Variants in GFOD1 observed in about 807,000 individuals in gnomAD.
GFOD1 encodes the protein Gfo/Idh/MocA-like oxidoreductase domain containing 1.
A neutral mutation model predicts 25.4 loss-of-function variants in GFOD1; 9 were observed. The observed-to-expected ratio is 0.35, with a 90% confidence interval of 0.21 to 0.62. The LOEUF is 0.62. GFOD1 is among the 20% of genes least tolerant of loss of function. The probability of loss-of-function intolerance (pLI) is 0.72; values close to 1 mark genes in which losing one functional copy is unlikely to be tolerated. For missense variants in GFOD1, 403 were observed against 556.9 expected (o/e 0.72, Z 2.78); for synonymous variants, 253 against 245.6 (o/e 1.03, Z -0.28).
chr6:13,398,641 AC>A (rs1174464187), intron 1 of GFOD1, among the ~76,000 whole-genome samples: 3 of 152,154 alleles, frequency 2.0e-5, no homozygotes, highest in Non-Finnish European at 2.9e-5. Flanking sequence ...GCTTTCCTGG[AC>A]TCAGAAAGGA....
chr6:13,360,763 G>A lies in GFOD1; in HGVS notation c.*3980C>T, dbSNP rs1207579216. The A allele has an allele frequency of 2.2e-6, 1 of 456,782 alleles. No individual in the cohort carries two copies. Among genetic ancestry groups the A allele is most frequent in the Non-Finnish European group, 4.4e-6 (1 of 226,976 alleles). 28.3% of individuals were successfully genotyped at this position (456,782 alleles called of 1,614,324 possible). A position where few individuals can be genotyped will look rare whatever the true frequency, so the allele number is the denominator to read the frequency against. ...GGGTGCTGACAGCAGGCTGAGTGGA[G>A]CCGCAGGTTAGTCCATGCTTGTCAC... is the stretch of plus-strand genomic sequence containing the variant. On this transcript the variant is annotated 3_prime_UTR_variant, in exon 2 of 2. Coordinates refer to ENST00000379287, the MANE Select transcript of GFOD1 (RefSeq NM_018988.4).
At chr6:13,395,432 C>CT (rs931990271) in intron 1 of GFOD1, among the ~76,000 whole-genome samples, 11 of 152,296 alleles carry the variant, frequency 7.2e-5, no homozygotes, top group Admixed American at 2.6e-4. Context: ...ATAAGGGGAT[C>CT]TTGTTTTTCC....
chr6:13,404,996 T>G (rs1785919313), intron 1 of GFOD1, among the ~76,000 whole-genome samples: 2 of 152,214 alleles, frequency 1.3e-5, no homozygotes, highest in African/African-American at 4.8e-5. Flanking sequence ...CATTCTCTGT[T>G]GTCTATCCTC....
At chr6:13,444,816 T>G (rs534987939) in intron 1 of GFOD1, among the ~76,000 whole-genome samples, 79 of 152,366 alleles carry the variant, frequency 5.2e-4, no homozygotes, top group African/African-American at 1.8e-3. Context: ...ACTTGCTTTA[T>G]TGCAGTGGCC....
intron 1 of GFOD1, among the ~76,000 whole-genome samples, chr6:13,413,086 G>GC (rs1420551290): frequency 5.3e-5 from 8 of 152,216 alleles, no homozygotes; most frequent in African/African-American, 1.9e-4. Flanking sequence ...GTCAGCCTTT[G>GC]CCAACATGTT....
At chr6:13,473,133 G>T (rs1245087003) in intron 1 of GFOD1, among the ~76,000 whole-genome samples, 1 of 152,158 alleles carries the variant, frequency 6.6e-6, no homozygotes, top group East Asian at 1.9e-4. Flanking sequence ...CATGTCATAT[G>T]CAAATGTCCT....
In GFOD1 at chr6:13,470,611, C is replaced by G. The variant is rs902381511; in HGVS notation, c.253+16027G>C. 40 of 1,488,738 alleles carry G rather than the reference C, an allele frequency of 2.7e-5. No homozygotes were observed. In the African/African-American group the frequency reaches 5.4e-4, roughly 20 times the overall value. The allele number at this position is 1,488,738 out of a possible 1,614,324, so 92.2% of individuals were successfully genotyped here. On this transcript the variant is annotated intron_variant, in intron 1 of 1. Transcript: ENST00000379287. ...CAGTATTTTTCTGTCTGCTGATTTT[C>G]TTCCTCTGATGTCCTGGTTCTGTTG...
intron 1 of GFOD1, among the ~76,000 whole-genome samples, chr6:13,369,765 A>G (rs1026823445): frequency 6.6e-6 from 1 of 152,214 alleles, no homozygotes; most frequent in East Asian, 1.9e-4. Context: ...ACCATAGAAA[A>G]TGATGCTTAT....
chr6:13,424,847 A>C (rs187113949), intron 1 of GFOD1, among the ~76,000 whole-genome samples: 2 of 152,282 alleles, frequency 1.3e-5, no homozygotes, highest in African/African-American at 4.8e-5. Context: ...AAATCATATA[A>C]ACATTATAAT....
At chr6:13,368,487 A>G (rs1390512970) in intron 1 of GFOD1, among the ~76,000 whole-genome samples, 1 of 152,198 alleles carries the variant, frequency 6.6e-6, no homozygotes, top group East Asian at 1.9e-4. Context: ...ACACCAGCTC[A>G]TGCTACCAGG....
chr6:13,377,018 G>GTT (rs530360997), intron 1 of GFOD1, among the ~76,000 whole-genome samples: 75 of 140,010 alleles, frequency 5.4e-4, no homozygotes, highest in African/African-American at 1.7e-3. Context: ...CAGCAGATAT[G>GTT]TTTTTTTTTT....
intron 1 of GFOD1, among the ~76,000 whole-genome samples, chr6:13,377,195 A>G (rs1369385865): frequency 1.3e-5 from 2 of 152,054 alleles, no homozygotes; most frequent in Non-Finnish European, 1.5e-5. Context: ...CCAGTATACC[A>G]CAGTCCTCAC....
Position 13,365,967 on chromosome 6 carries a change from G to C in GFOD1, c.254-305C>G, listed in dbSNP as rs1447720245. On this transcript the variant is annotated intron_variant, in intron 1 of 1. Transcript: ENST00000379287. The surrounding 1 kb of genome is among the most constrained non-coding windows in gnomAD (Gnocchi z 9.2). ...CACGCCTGTGGTCCCAGCTACTCAGGAGGCCGAAGTGGGAGGATCACTTGA... is the reference window on the plus strand; with the variant it reads ...CACGCCTGTGGTCCCAGCTACTCAGCAGGCCGAAGTGGGAGGATCACTTGA... 6.6e-6 allele frequency among the ~76,000 whole-genome samples: 1 copy of C among 150,454 alleles called. No individual in the cohort carries two copies. The highest frequency in any genetic ancestry group is 2.0e-4 in the East Asian group (1 of 5,098).
chr6:13,426,341 A>G (rs1037075698), intron 1 of GFOD1, among the ~76,000 whole-genome samples: 1 of 152,204 alleles, frequency 6.6e-6, no homozygotes, highest in Non-Finnish European at 1.5e-5. Context: ...ACAGGCGTCA[A>G]TGGGGCTTGG....
Position 13,396,820 on chromosome 6 carries a change from C to T in GFOD1, c.254-31158G>A, listed in dbSNP as rs1030285148. ...TTTCCAGAAGCTTCCAGCAGGAACA[C>T]GGCCCTGCCAGCACACTGAATTTAG... On this transcript the variant is annotated intron_variant, in intron 1 of 1. Coordinates refer to ENST00000379287, the MANE Select transcript of GFOD1 (RefSeq NM_018988.4). Among the ~76,000 whole-genome samples the T allele has an allele frequency of 3.3e-5, 5 of 152,286 alleles. No individual in the cohort carries two copies. The East Asian group carries it at 5.8e-4, about 18-fold the overall frequency.
intron 1 of GFOD1, among the ~76,000 whole-genome samples, chr6:13,367,559 G>A (rs138855856): frequency 1.8e-4 from 28 of 152,254 alleles, no homozygotes; most frequent in African/African-American, 6.3e-4. Flanking sequence ...TGACTGTGAT[G>A]TGTGTATAAA....
intron 1 of GFOD1, among the ~76,000 whole-genome samples, chr6:13,382,134 A>G (rs142978370): frequency 3.3e-5 from 5 of 152,320 alleles, no homozygotes; most frequent in Non-Finnish European, 7.3e-5. Flanking sequence ...GCCAGGATCC[A>G]AACCCCCATA....
intron 1 of GFOD1, among the ~76,000 whole-genome samples, chr6:13,440,693 A>G (rs1757901424): frequency 6.6e-6 from 1 of 152,208 alleles, no homozygotes; most frequent in Non-Finnish European, 1.5e-5. Context: ...TCAAAACCAG[A>G]TATGTTTCCT....
At chr6:13,461,793 C>T (rs961080382) in intron 1 of GFOD1, among the ~76,000 whole-genome samples, 8 of 152,188 alleles carry the variant, frequency 5.3e-5, no homozygotes, top group East Asian at 1.9e-4. Flanking sequence ...AGAAAACACA[C>T]GAGCCAGGCT....
Sources: gnomAD v4.1 joint callset for allele counts (sites outside exome capture counted in the v4.1 genomes callset) on GRCh38, gnomAD v4.1.1 for gene constraint, Gnocchi (gnomAD v3.1) non-coding constraint, MANE v1.5 for transcripts, NCBI Gene and HGNC (gene_info 2026-07-23, HGNC 2026-07-21) for gene names.